The following TRAPPC10 variants were observed in gnomAD, a reference collection of about 807,000 sequenced individuals.
TRAPPC10 encodes the protein trafficking protein particle complex subunit 10.
A neutral mutation model predicts 125.5 loss-of-function variants in TRAPPC10; 23 were observed. The ratio of observed to expected loss-of-function variants is 0.18; its 90% CI spans 0.13 to 0.26. The LOEUF (loss-of-function observed/expected upper bound fraction) is 0.26, where lower values mean the gene tolerates loss of function less well. TRAPPC10 is among the 10% of genes least tolerant of loss of function. The probability of loss-of-function intolerance (pLI) is 1.00; values close to 1 mark genes in which losing one functional copy is unlikely to be tolerated. For synonymous variants in TRAPPC10, 509 were observed against 518.0 expected, an observed-to-expected ratio of 0.98 and a Z score of 0.24; for missense variants, 1,123 against 1,308.4, an observed-to-expected ratio of 0.86 and a Z score of 2.19.
At chr21:44,083,467 G>T (rs1388355031) in intron 14 of TRAPPC10, among the ~76,000 whole-genome samples, 165 bp downstream of exon 14, 3 of 152,144 alleles carry the variant, frequency 2.0e-5, no homozygotes, top group Non-Finnish European at 4.4e-5. Flanking sequence ...TTTCTTTCGT[G>T]TTTTATACAA....
At chr21:44,078,667 T>C (rs1263942551) in intron 11 of TRAPPC10, among the ~76,000 whole-genome samples, 5 of 152,218 alleles carry the variant, frequency 3.3e-5, no homozygotes, top group Admixed American at 3.3e-4. Flanking sequence ...TGTAGCTCTC[T>C]TGAACTTCCA....
intron 3 of TRAPPC10, 43 bp from the exon 4 acceptor site, chr21:44,052,237 G>T (rs2035281045): frequency 2.7e-6 from 4 of 1,488,796 alleles, no homozygotes; most frequent in Non-Finnish European, 3.6e-6. Context: ...TAAACTAAAG[G>T]GCATTAGTTA....
At chr21:44,033,825 T>C (rs902441574) in intron 2 of TRAPPC10, among the ~76,000 whole-genome samples, 1 of 152,210 alleles carries the variant, frequency 6.6e-6, no homozygotes, top group African/African-American at 2.4e-5. Flanking sequence ...ATTGCACCAC[T>C]GCACTCCAGC....
rs117365770 is a variant in TRAPPC10 at position 44,093,618 on chromosome 21, C to T, written c.2998-445C>T. ...ACTAGAATACAAAAAATGAGCTGGG[C>T]ATGGCGGCGTGCATCTGTAGTCCCA... is the stretch of plus-strand genomic sequence containing the variant. On this transcript the variant is annotated intron_variant, in intron 19 of 22. Coordinates refer to ENST00000291574, the MANE Select transcript of TRAPPC10 (RefSeq NM_003274.5). Among the ~76,000 whole-genome samples the T allele has an allele frequency of 5.8e-3, 889 of 152,204 alleles. 26 individuals are homozygous for T. The highest frequency in any genetic ancestry group is 0.039 in the East Asian group (201 of 5,174).
rs372552511 is a variant in TRAPPC10 at position 44,086,895 on chromosome 21, A to G, written c.2474A>G (p.Asn825Ser). ...AATGGAGACAGCCTGCAGCTTAGCA[A>G]TGCCGAAGCCATGCTCATCCTGTGC... is the stretch of plus-strand genomic sequence containing the variant. ...IKNGDSLQLS[N>S]AEAMLILCQA... is the part of the protein sequence containing the mutation. Residue 825 changes from asparagine to serine, a missense_variant, in exon 16 of 23, where the codon AAT becomes AGT. By Grantham distance (46) the Asn-to-Ser change is conservative. This residue lies in a region of TRAPPC10 where 840 missense variants were observed against 902.0 expected (regional missense o/e 0.93). Transcript: ENST00000291574. The G allele has an allele frequency of 1.8e-5, 29 of 1,614,080 alleles. No individual in the cohort carries two copies. Among genetic ancestry groups the G allele is most frequent in the African/African-American group, 5.3e-5 (4 of 74,932 alleles).
intron 1 of TRAPPC10, among the ~76,000 whole-genome samples, chr21:44,018,691 CAAAA>C (rs542366792): frequency 2.8e-5 from 2 of 71,864 alleles, no homozygotes; most frequent in Non-Finnish European, 2.9e-5. Context: ...GACTCCGTCT[CAAAA>C]AAAAAAAAAA....
At chr21:44,051,891 A>C (rs534649922) in intron 3 of TRAPPC10, among the ~76,000 whole-genome samples, 2 of 152,366 alleles carry the variant, frequency 1.3e-5, no homozygotes, top group South Asian at 4.1e-4. Context: ...GGCACACAGC[A>C]GGATGGCAGT....
At chr21:44,061,579 A>C (rs1434678142) in intron 6 of TRAPPC10, among the ~76,000 whole-genome samples, 3 of 152,240 alleles carry the variant, frequency 2.0e-5, no homozygotes, top group Admixed American at 6.5e-5. Context: ...TATTTTTTAA[A>C]TATCTTACAT....
intron 7 of TRAPPC10, among the ~76,000 whole-genome samples, chr21:44,071,076 C>T (rs1217638288): frequency 6.6e-6 from 1 of 152,194 alleles, no homozygotes; most frequent in Non-Finnish European, 1.5e-5. Flanking sequence ...ACAGACTCAG[C>T]AAGGTTGAAT....
intron 6 of TRAPPC10, among the ~76,000 whole-genome samples, chr21:44,060,852 C>T (rs112878816): frequency 9.9e-4 from 151 of 151,866 alleles, no homozygotes; most frequent in African/African-American, 3.2e-3. Flanking sequence ...CCTCTTGCCT[C>T]GGCTTCCCAA....
chr21:44,063,524 G>GT lies in TRAPPC10; in HGVS notation c.791-13dup, dbSNP rs756100431. On this transcript the variant is annotated splice_polypyrimidine_tract_variant and intron_variant, in intron 6 of 22. Transcript: ENST00000291574. This position sits in a 1 kb window ranked among gnomAD's most constrained non-coding sequence, Gnocchi z 4.4. ...ACCTGCAATCAGCACCTTTCATGAT[G>GT]TGTGTTTGTTTAGATGGTGCCAACT... is the stretch of plus-strand genomic sequence containing the variant. 207 of 1,613,312 alleles carry GT rather than the reference G, an allele frequency of 1.3e-4. 2 individuals are homozygous for GT. In the African/African-American group the frequency reaches 2.3e-3, roughly 18 times the overall value.
At chr21:44,089,557 C>T (rs532187089) in intron 17 of TRAPPC10, 8 of 512,278 alleles carry the variant, frequency 1.6e-5, no homozygotes, top group African/African-American at 9.6e-5. Context: ...GCTTAGAGGA[C>T]GGCTGTGCTC....
intron 14 of TRAPPC10, 74 bp downstream of exon 14, chr21:44,083,376 A>T: frequency 5.9e-6 from 9 of 1,524,310 alleles, no homozygotes; most frequent in Non-Finnish European, 7.9e-6. Flanking sequence ...AACTGTCTGG[A>T]GTGTGCTGTG....
rs1419108963 is a variant in TRAPPC10, at chr21:44,059,042, GTTTCTTCT to G, written c.679-60_679-53del. Reference sequence around the variant, plus strand: ...CTCTGTCGTTTAATGGCTACATACTGTTTCTTCTATACATTGATTTATGTTTTTGTTTT... The same window carrying G: ...CTCTGTCGTTTAATGGCTACATACTGATACATTGATTTATGTTTTTGTTTT... On this transcript the variant is annotated intron_variant, in intron 5 of 22. Transcript: ENST00000291574. The surrounding 1 kb of genome is among the most constrained non-coding windows in gnomAD (Gnocchi z 4.4). The G allele has an allele frequency of 7.4e-7, 1 of 1,347,642 alleles. No homozygotes were observed. The highest frequency in any genetic ancestry group is 1.5e-5 in the African/African-American group (1 of 68,334). 83.5% of individuals were successfully genotyped at this position (1,347,642 alleles called of 1,614,324 possible).
At chr21:44,044,534 C>T (rs1269802613) in intron 3 of TRAPPC10, among the ~76,000 whole-genome samples, 1 of 151,476 alleles carries the variant, frequency 6.6e-6, no homozygotes, top group Non-Finnish European at 1.5e-5. Context: ...CTGTTTTCTC[C>T]CTCCCAGCCT....
At chr21:44,050,082 T>G (rs2035133386) in intron 3 of TRAPPC10, among the ~76,000 whole-genome samples, 1 of 152,156 alleles carries the variant, frequency 6.6e-6, no homozygotes, top group African/African-American at 2.4e-5. Flanking sequence ...TTTCACTATT[T>G]GGCCATGCTG....
rs1217517852 is a variant in TRAPPC10, at chr21:44,048,103, C to G, written c.286-4177C>G. On this transcript the variant is annotated intron_variant, in intron 3 of 22. Transcript: ENST00000291574. Reference sequence around the variant, plus strand: ...GTGTGACTGCCAAGCATGGGTGCCTCTGATCGTGTCTGCGGGTTCTGTTCC... The same window carrying G: ...GTGTGACTGCCAAGCATGGGTGCCTGTGATCGTGTCTGCGGGTTCTGTTCC... Among the ~76,000 whole-genome samples the G allele has an allele frequency of 6.6e-5, 10 of 152,332 alleles. No homozygotes were observed. In the East Asian group the frequency reaches 1.9e-3, roughly 29 times the overall value.
Position 44,094,222 on chromosome 21 carries a change from G to A in TRAPPC10, c.3157G>A (p.Glu1053Lys). 1 of 1,608,292 alleles carries A rather than the reference G, an allele frequency of 6.2e-7. No homozygotes were observed. The highest frequency in any genetic ancestry group is 8.5e-7 in the Non-Finnish European group (1 of 1,178,560). ...GCCGTATACTTATGAATTTAAAGTG[G>A]AAAATTTTTTTGTAAGTGATGTATT... is the stretch of plus-strand genomic sequence containing the variant. ...LKPYTYEFKV[E>K]NFFTLYNVKA... Residue 1053 changes from glutamate (E) to lysine (K), a missense_variant, in exon 20 of 23, where the codon GAA becomes AAA. Transcript: ENST00000291574.
At chr21:44,058,977 T>C (rs2035827659) in intron 5 of TRAPPC10, 126 bp from the exon 6 acceptor site, 9 of 619,426 alleles carry the variant, frequency 1.5e-5, no homozygotes, top group Non-Finnish European at 2.5e-5. Flanking sequence ...GGTTGTTACT[T>C]AGCGGAGCGT....
Sources: allele counts gnomAD v4.1 joint callset (sites outside exome capture counted in the v4.1 genomes callset), GRCh38; gene constraint gnomAD v4.1.1; regional missense constraint gnomAD v4.1.1; non-coding constraint Gnocchi (gnomAD v3.1); transcripts MANE v1.5; gene names NCBI Gene and HGNC (gene_info 2026-07-23, HGNC 2026-07-21).